The following SCLT1 variants were observed in gnomAD, a reference collection of about 807,000 sequenced individuals.
SCLT1 encodes sodium channel-associated protein 1.
SCLT1 carries 78 observed loss-of-function variants against 112.8 expected under a neutral mutation model. The observed-to-expected ratio is 0.69, with a 90% confidence interval of 0.58 to 0.83. The LOEUF (loss-of-function observed/expected upper bound fraction) is 0.83. SCLT1 is among the 40% of genes least tolerant of loss of function. The pLI is 0.00. For synonymous variants in SCLT1, 257 were observed against 254.7 expected, an observed-to-expected ratio of 1.01 and a Z score of -0.09; for missense variants, 747 against 770.4, an observed-to-expected ratio of 0.97 and a Z score of 0.36.
chr4:129,072,839 G>C (rs755076063), intron 2 of SCLT1, among the ~76,000 whole-genome samples: 4 of 151,834 alleles, frequency 2.6e-5, no homozygotes, highest in Admixed American at 6.6e-5. Context: ...AGCCATTCCT[G>C]GTGAACTAGT....
Position 128,894,685 on chromosome 4 carries a change from T to C in SCLT1, c.1830-3548A>G, listed in dbSNP as rs79480655. The stretch of plus-strand genomic sequence containing the variant: ...ACTCCTATTTCTCACTTTGTCTTTC[T>C]TTTTTTTTTGTGAGATGGAGTCTCA... On this transcript the variant is annotated intron_variant, in intron 18 of 20. Coordinates refer to ENST00000281142, the MANE Select transcript of SCLT1 (RefSeq NM_144643.4). Among the ~76,000 whole-genome samples, 850 of 148,732 alleles carry C rather than the reference T, an allele frequency of 5.7e-3. 14 individuals are homozygous for C. The highest frequency in any genetic ancestry group is 0.02 in the African/African-American group (798 of 40,748).
intron 5 of SCLT1, among the ~76,000 whole-genome samples, chr4:129,024,259 G>A (rs1745791078): frequency 1.3e-5 from 2 of 152,210 alleles, no homozygotes; most frequent in Non-Finnish European, 2.9e-5. Flanking sequence ...TCTGACCCCT[G>A]ACCCCTGACC....
intron 18 of SCLT1, among the ~76,000 whole-genome samples, chr4:128,911,994 C>T (rs890750135): frequency 1.3e-5 from 2 of 152,166 alleles, no homozygotes; most frequent in Non-Finnish European, 2.9e-5. Flanking sequence ...ATGCTTAATA[C>T]ATCACAATAA....
At chr4:128,884,561 G>T (rs167618) in intron 20 of SCLT1, 22 bp from the exon 21 acceptor site, 1 of 1,515,208 alleles carries the variant, frequency 6.6e-7, no homozygotes, top group Non-Finnish European at 9.1e-7. Context: ...ATAAACAATC[G>T]GTAAGTAGTT....
At chr4:128,902,719 A>G (rs1734415597) in intron 18 of SCLT1, among the ~76,000 whole-genome samples, 1 of 152,164 alleles carries the variant, frequency 6.6e-6, no homozygotes, top group Admixed American at 6.5e-5. Flanking sequence ...ATTTATAAAA[A>G]CATATTTTTT....
At chr4:128,939,912 G>T (rs1405439099) in intron 17 of SCLT1, among the ~76,000 whole-genome samples, 1 of 152,094 alleles carries the variant, frequency 6.6e-6, no homozygotes, top group East Asian at 1.9e-4. Flanking sequence ...GTCAAAGAAA[G>T]AATCAGTTAC....
chr4:129,029,041 G>A (rs969759272), intron 5 of SCLT1, among the ~76,000 whole-genome samples: 1 of 152,158 alleles, frequency 6.6e-6, no homozygotes, highest in Non-Finnish European at 1.5e-5. Context: ...GTGCTGGAGA[G>A]GATGCGGAGA....
chr4:128,953,863 C>A (rs75933441), intron 13 of SCLT1, among the ~76,000 whole-genome samples: 2 of 150,378 alleles, frequency 1.3e-5, no homozygotes, highest in Non-Finnish European at 3.0e-5. Context: ...AAACAGAATA[C>A]TTTTTAAATA....
At chr4:129,062,947 A>G (rs1258009356) in intron 2 of SCLT1, among the ~76,000 whole-genome samples, 1 of 152,210 alleles carries the variant, frequency 6.6e-6, no homozygotes, top group Non-Finnish European at 1.5e-5. Context: ...GGAATTTTTC[A>G]GACATCATTT....
At chr4:129,043,869 A>T in intron 3 of SCLT1, 124 bp downstream of exon 3, 1 of 617,240 alleles carries the variant, frequency 1.6e-6, no homozygotes, top group African/African-American at 1.9e-5. Context: ...TTTCTTGTCA[A>T]TTCAAGAACA....
intron 18 of SCLT1, among the ~76,000 whole-genome samples, chr4:128,898,110 TCAA>T (rs1163418487): frequency 6.6e-6 from 1 of 152,086 alleles, no homozygotes; most frequent in Non-Finnish European, 1.5e-5. Context: ...ATTAGACAGA[TCAA>T]CGAGACAGAA....
intron 17 of SCLT1, among the ~76,000 whole-genome samples, chr4:128,938,380 A>G (rs1021784081): frequency 6.6e-6 from 1 of 152,134 alleles, no homozygotes; most frequent in Non-Finnish European, 1.5e-5. Context: ...AAACTCTTCA[A>G]TTTGCTTTCT....
intron 2 of SCLT1, among the ~76,000 whole-genome samples, chr4:129,060,725 T>A (rs1369294646): frequency 6.6e-6 from 1 of 152,178 alleles, no homozygotes; most frequent in African/African-American, 2.4e-5. Context: ...TTCACCACAA[T>A]AGGGAGACTT....
At chr4:128,934,588 T>C (rs1737033890) in intron 18 of SCLT1, among the ~76,000 whole-genome samples, 1 of 151,908 alleles carries the variant, frequency 6.6e-6, no homozygotes. Flanking sequence ...GTTAGATTTG[T>C]TGCTAGGTAT....
intron 13 of SCLT1, among the ~76,000 whole-genome samples, chr4:128,954,373 C>A (rs1739044335): frequency 6.9e-6 from 1 of 145,600 alleles, no homozygotes; most frequent in Non-Finnish European, 1.5e-5. Flanking sequence ...GGCTGGAGTG[C>A]AGGGTCGTGA....
intron 2 of SCLT1, among the ~76,000 whole-genome samples, chr4:129,065,365 G>C (rs73847396): frequency 0.014 from 2,140 of 152,042 alleles, 52 homozygotes; most frequent in African/African-American, 0.046. Context: ...GTATGCGTGT[G>C]CACTTTAAGT....
intron 5 of SCLT1, among the ~76,000 whole-genome samples, chr4:129,006,300 T>G (rs112060238): frequency 0.018 from 2,749 of 152,140 alleles, 73 homozygotes; most frequent in African/African-American, 0.055. Context: ...AGCATTTTGG[T>G]AGGCCGAAGT....
intron 5 of SCLT1, among the ~76,000 whole-genome samples, chr4:129,025,306 C>T (rs1349222853): frequency 6.6e-6 from 1 of 152,262 alleles, no homozygotes; most frequent in East Asian, 1.9e-4. Context: ...AGAGAAAGGT[C>T]GGGTTACCCA....
At chr4:128,926,272 G>T (rs1262284581) in intron 18 of SCLT1, among the ~76,000 whole-genome samples, 4 of 151,970 alleles carry the variant, frequency 2.6e-5, no homozygotes, top group Non-Finnish European at 5.9e-5. Context: ...TTTAACAATA[G>T]GATAAAGTGA....
Sources: gnomAD v4.1 joint callset for allele counts (sites outside exome capture counted in the v4.1 genomes callset) on GRCh38, gnomAD v4.1.1 for gene constraint, MANE v1.5 for transcripts, NCBI Gene and HGNC (gene_info 2026-07-23, HGNC 2026-07-21) for gene names.